Variants in CNTN4 observed in about 807,000 individuals in gnomAD.
CNTN4 encodes contactin-4.
Under a neutral mutation model 122.5 loss-of-function variants are expected in CNTN4, and 77 were observed. That is an observed-to-expected ratio of 0.63 (90% CI 0.52 to 0.76). CNTN4 has a LOEUF of 0.76. CNTN4 is among the 30% of genes least tolerant of loss of function. CNTN4 has a pLI of 0.00. For synonymous variants in CNTN4, 512 were observed against 447.0 expected, an observed-to-expected ratio of 1.15 and a Z score of -1.83; for missense variants, 1,256 against 1,259.1, an observed-to-expected ratio of 1.00 and a Z score of 0.04.
intron 7 of CNTN4, among the ~76,000 whole-genome samples, chr3:2,845,480 TATG>T (rs1259672047): frequency 6.6e-6 from 1 of 152,150 alleles, no homozygotes; most frequent in African/African-American, 2.4e-5. Flanking sequence ...AACTATATGT[TATG>T]ATAAATTTCA....
chr3:2,253,004 G>GA (rs1575177645), intron 2 of CNTN4, among the ~76,000 whole-genome samples: 1 of 151,828 alleles, frequency 6.6e-6, no homozygotes, highest in Non-Finnish European at 1.5e-5. Flanking sequence ...ACAGCACAAT[G>GA]AAAAAAACCA....
At chr3:2,290,613 G>C (rs997023471) in intron 2 of CNTN4, among the ~76,000 whole-genome samples, 2 of 152,142 alleles carry the variant, frequency 1.3e-5, no homozygotes, top group Non-Finnish European at 2.9e-5. Context: ...AATCACAATT[G>C]TCAAATCAGA....
intron 4 of CNTN4, among the ~76,000 whole-genome samples, chr3:2,695,007 G>A (rs1475510668): frequency 6.6e-6 from 1 of 152,116 alleles, no homozygotes; most frequent in Non-Finnish European, 1.5e-5. Flanking sequence ...TCCTTGATAT[G>A]GTAAATGTTT....
intron 14 of CNTN4, among the ~76,000 whole-genome samples, chr3:3,006,227 T>C (rs1696630054): frequency 6.6e-6 from 1 of 152,084 alleles, no homozygotes; most frequent in Admixed American, 6.5e-5. Context: ...GTACTTTTGG[T>C]TTTGGTTATT....
In CNTN4 at chr3:2,676,615, G is replaced by A. The variant is rs190260920; in HGVS notation, c.56-59600G>A. 1.1e-3 allele frequency among the ~76,000 whole-genome samples: 163 copies of A among 152,310 alleles called. 1 individual carries two copies. The highest frequency in any genetic ancestry group is 2.9e-4 in the Non-Finnish European group (20 of 68,024). ...AACCTCATTTGAAGTGCACCTTGATGAATGGATGAGCAAGAGTTGGCCAGG... is the reference window on the plus strand; with the variant it reads ...AACCTCATTTGAAGTGCACCTTGATAAATGGATGAGCAAGAGTTGGCCAGG... On this transcript the variant is annotated intron_variant, in intron 4 of 24. Coordinates refer to ENST00000418658, the MANE Select transcript of CNTN4 (RefSeq NM_175607.3).
intron 2 of CNTN4, among the ~76,000 whole-genome samples, chr3:2,275,664 G>A (rs1314739230): frequency 2.0e-5 from 3 of 152,024 alleles, no homozygotes; most frequent in Non-Finnish European, 4.4e-5. Context: ...GGTAACACCT[G>A]TAATCCCAGC....
chr3:2,102,693 C>A (rs940069498), intron 2 of CNTN4, among the ~76,000 whole-genome samples: 3 of 152,128 alleles, frequency 2.0e-5, no homozygotes, highest in Admixed American at 6.5e-5. Flanking sequence ...TTGCCCAGAA[C>A]TGGAATGAGT....
intron 13 of CNTN4, among the ~76,000 whole-genome samples, chr3:2,971,129 A>G (rs398863): frequency 0.35 from 52,510 of 152,124 alleles, 11,831 homozygotes; most frequent in African/African-American, 0.65. Flanking sequence ...TGTTATTAAG[A>G]AAATTATAAG....
At chr3:2,614,761 T>C (rs546424456) in intron 4 of CNTN4, among the ~76,000 whole-genome samples, 2 of 152,168 alleles carry the variant, frequency 1.3e-5, no homozygotes, top group African/African-American at 4.8e-5. Flanking sequence ...TCAGACATCC[T>C]TGTAGAGATG....
At chr3:2,669,731 G>T (rs922525556) in intron 4 of CNTN4, among the ~76,000 whole-genome samples, 2 of 152,140 alleles carry the variant, frequency 1.3e-5, no homozygotes, top group African/African-American at 4.8e-5. Flanking sequence ...TGGGCATTTA[G>T]TGCTATAAAT....
chr3:2,909,596 T>C (rs1175014317), intron 12 of CNTN4, among the ~76,000 whole-genome samples: 2 of 152,162 alleles, frequency 1.3e-5, no homozygotes, highest in African/African-American at 2.4e-5. Context: ...CAGTCTCTGA[T>C]CCTAGGACCC....
At chr3:2,234,386 AAAAAAG>A (rs1336216016) in intron 2 of CNTN4, among the ~76,000 whole-genome samples, 1 of 148,278 alleles carries the variant, frequency 6.7e-6, no homozygotes, top group African/African-American at 2.6e-5. Context: ...AAAAAAAAAA[AAAAAAG>A]AGGAAGTTTT....
At chr3:2,331,636 C>T (rs1289426332) in intron 2 of CNTN4, among the ~76,000 whole-genome samples, 1 of 152,038 alleles carries the variant, frequency 6.6e-6, no homozygotes, top group East Asian at 1.9e-4. Context: ...GGCAGATGCA[C>T]CTGAATGTGT....
intron 6 of CNTN4, among the ~76,000 whole-genome samples, chr3:2,775,709 C>T (rs1351659250): frequency 6.6e-6 from 1 of 152,186 alleles, no homozygotes; most frequent in African/African-American, 2.4e-5. Context: ...ATGTGAGCCA[C>T]CACACCCAGC....
chr3:2,468,441 T>C (rs2075577970), intron 3 of CNTN4, among the ~76,000 whole-genome samples: 1 of 152,162 alleles, frequency 6.6e-6, no homozygotes, highest in Non-Finnish European at 1.5e-5. Flanking sequence ...ATAAGCAGAT[T>C]GTTAGAACAA....
intron 2 of CNTN4, among the ~76,000 whole-genome samples, chr3:2,294,861 T>A (rs1304906515): frequency 1.3e-5 from 2 of 151,918 alleles, no homozygotes; most frequent in East Asian, 3.9e-4. Flanking sequence ...CGGTGTGTGA[T>A]GTTCCCCTTC....
At chr3:2,959,341 T>C (rs1487873315) in intron 13 of CNTN4, among the ~76,000 whole-genome samples, 1 of 152,232 alleles carries the variant, frequency 6.6e-6, no homozygotes, top group African/African-American at 2.4e-5. Context: ...GTTTATGCTA[T>C]CTATAGAGCG....
At chr3:2,588,440 C>CA (rs2080308514) in intron 4 of CNTN4, among the ~76,000 whole-genome samples, 1 of 149,744 alleles carries the variant, frequency 6.7e-6, no homozygotes, top group Non-Finnish European at 1.5e-5. Context: ...GATCTCGGCT[C>CA]ACTGCAACCT....
chr3:2,949,568 C>T (rs563630918), intron 13 of CNTN4, among the ~76,000 whole-genome samples: 23 of 152,260 alleles, frequency 1.5e-4, no homozygotes, highest in Admixed American at 5.2e-4. Flanking sequence ...CTCCTTCTTT[C>T]AAGAATCAGA....
Sources: gnomAD v4.1 joint callset for allele counts (sites outside exome capture counted in the v4.1 genomes callset) on GRCh38, gnomAD v4.1.1 for gene constraint, MANE v1.5 for transcripts, NCBI Gene and HGNC (gene_info 2026-07-23, HGNC 2026-07-21) for gene names.